Variants in IPO5 observed in about 807,000 individuals in gnomAD.
IPO5 encodes importin 5, also known as importin-5.
IPO5 carries 18 observed loss-of-function variants against 143.3 expected under a neutral mutation model. The observed-to-expected ratio is 0.13, with a 90% CI of 0.09 to 0.19. The LOEUF (loss-of-function observed/expected upper bound fraction) is 0.19, where lower values mean the gene tolerates loss of function less well. Among genes scored for constraint, IPO5 ranks in the 10% least tolerant of loss-of-function variants. IPO5 has a pLI of 1.00. For synonymous variants in IPO5, 477 were observed against 465.7 expected (o/e 1.02, Z -0.31); for missense variants, 1,013 against 1,336.9 (o/e 0.76, Z 3.78).
intron 2 of IPO5, among the ~76,000 whole-genome samples, chr13:97,957,978 G>T (rs1002159033): frequency 1.3e-5 from 2 of 151,984 alleles, no homozygotes; most frequent in Non-Finnish European, 2.9e-5. Context: ...GAGTGAGACA[G>T]AATGAGACTC....
rs558069822 is a variant in IPO5, at chr13:97,993,176, G to A, written c.864G>A (p.Glu288=). Residue 288 remains glutamate (E), a synonymous_variant, in exon 11 of 29, where the codon GAG becomes GAA. Transcript: ENST00000651721. ...TTGAAGTGATCGTCACCCTCTCTGA[G>A]ACTGCAGCTGCTATGTTAAGAAAAC... ...LALEVIVTLS[E]TAAAMLRKHT... 1.9e-6 allele frequency: 3 copies of A among 1,613,904 alleles called. No individual in the cohort carries two copies. Among genetic ancestry groups the A allele is most frequent in the Admixed American group, 3.3e-5 (2 of 60,024 alleles).
intron 2 of IPO5, among the ~76,000 whole-genome samples, chr13:97,961,490 C>T (rs1292481969): frequency 6.6e-6 from 1 of 152,210 alleles, no homozygotes; most frequent in Non-Finnish European, 1.5e-5. Flanking sequence ...CGTCACCACA[C>T]CCAGCTTATT....
In IPO5 at chr13:97,983,247, GT is replaced by G. The variant is rs1223957895; in HGVS notation, c.171+668del. ...TTCTAAAGAAGTAAATTAGTTCAGT[GT>G]TTTGATGTGTTATCAATGTTTTGAA... On this transcript the variant is annotated intron_variant, in intron 5 of 28. Coordinates refer to ENST00000651721, the MANE Select transcript of IPO5 (RefSeq NM_002271.6). Among the ~76,000 whole-genome samples the G allele has an allele frequency of 4.6e-5, 7 of 152,228 alleles. No homozygotes were observed. The East Asian group carries it at 1.3e-3, about 29-fold the overall frequency.
chr13:97,989,562 C>T (rs1173639687), intron 7 of IPO5, among the ~76,000 whole-genome samples: 2 of 152,042 alleles, frequency 1.3e-5, no homozygotes, highest in African/African-American at 4.8e-5. Flanking sequence ...TCTTGTGTGA[C>T]CCAATTTTAT....
chr13:97,970,638 C>T (rs1033908502), intron 3 of IPO5, among the ~76,000 whole-genome samples: 1 of 151,994 alleles, frequency 6.6e-6, no homozygotes, highest in Non-Finnish European at 1.5e-5. Context: ...AAGAAAAAAG[C>T]ATACCTCAGT....
chr13:97,979,557 G>T (rs945791090), intron 4 of IPO5, among the ~76,000 whole-genome samples: 6 of 152,202 alleles, frequency 3.9e-5, no homozygotes, highest in Admixed American at 3.9e-4. Context: ...GTAGTGCAAA[G>T]TACAGTATTC....
chr13:97,987,648 C>T (rs533079249), intron 6 of IPO5, among the ~76,000 whole-genome samples: 1 of 152,170 alleles, frequency 6.6e-6, no homozygotes, highest in Admixed American at 6.6e-5. Flanking sequence ...GCCTCCCACA[C>T]GCCCAGCTAA....
chr13:97,962,236 A>G (rs1247795309), intron 2 of IPO5, among the ~76,000 whole-genome samples: 1 of 152,162 alleles, frequency 6.6e-6, no homozygotes, highest in Non-Finnish European at 1.5e-5. Flanking sequence ...GTGAAGTTCA[A>G]TGTATCCATT....
chr13:98,011,740 C>T (rs528319904), intron 20 of IPO5, among the ~76,000 whole-genome samples: 21 of 152,270 alleles, frequency 1.4e-4, no homozygotes, highest in African/African-American at 4.6e-4. Flanking sequence ...CTCCTGACCT[C>T]GTGATCTACC....
intron 2 of IPO5, among the ~76,000 whole-genome samples, chr13:97,962,673 G>T (rs1884987998): frequency 6.6e-6 from 1 of 152,048 alleles, no homozygotes; most frequent in Non-Finnish European, 1.5e-5. Context: ...CAAAAAATTA[G>T]CTGGGTATGG....
intron 22 of IPO5, among the ~76,000 whole-genome samples, chr13:98,015,317 A>G (rs1269969402): frequency 2.0e-5 from 3 of 151,570 alleles, no homozygotes; most frequent in Non-Finnish European, 2.9e-5. Flanking sequence ...CCTGGCACCT[A>G]GGTATGCTCA....
At chr13:98,018,727 G>A (rs766563103) in intron 26 of IPO5, 23 bp downstream of exon 26, 20 of 1,554,046 alleles carry the variant, frequency 1.3e-5, no homozygotes, top group Non-Finnish European at 1.6e-5. Context: ...ATTCCGTTAC[G>A]TGCATTTCAT....
In IPO5 at chr13:98,000,519, A is replaced by G. The variant is rs1280309302; in HGVS notation, c.1002-20A>G. On this transcript the variant is annotated intron_variant, in intron 12 of 28. Transcript: ENST00000651721. The stretch of plus-strand genomic sequence containing the variant: ...TGTGTTTCAGATATATTGAGTACAT[A>G]ATTCTGTTTATGTGTTTAGCAATGC... 6.6e-6 allele frequency: 10 copies of G among 1,513,178 alleles called. No homozygotes were observed. In the Admixed American group the frequency reaches 1.5e-4, roughly 23 times the overall value. 93.7% of individuals were successfully genotyped at this position (1,513,178 alleles called of 1,614,324 possible).
chr13:97,990,974 T>C (rs544954863), intron 9 of IPO5, among the ~76,000 whole-genome samples: 392 of 152,274 alleles, frequency 2.6e-3, no homozygotes, highest in Non-Finnish European at 3.1e-3. Flanking sequence ...AAGAATACTT[T>C]CTGCTTTAAT....
intron 12 of IPO5, among the ~76,000 whole-genome samples, chr13:97,999,613 A>G (rs1888595357): frequency 6.6e-6 from 1 of 152,198 alleles, no homozygotes; most frequent in African/African-American, 2.4e-5. Flanking sequence ...TTGTCTTTAC[A>G]TAGTAAAGAT....
intron 4 of IPO5, among the ~76,000 whole-genome samples, chr13:97,978,543 C>T (rs1158078847): frequency 6.6e-6 from 1 of 151,818 alleles, no homozygotes; most frequent in Non-Finnish European, 1.5e-5. Context: ...TGTATTGCAC[C>T]AGTTTGCCTT....
At chr13:97,970,093 C>T (rs867009053) in intron 3 of IPO5, among the ~76,000 whole-genome samples, 1 of 151,756 alleles carries the variant, frequency 6.6e-6, no homozygotes, top group Non-Finnish European at 1.5e-5. Flanking sequence ...ACTGCCCAAT[C>T]GAAATATAAT....
intron 9 of IPO5, among the ~76,000 whole-genome samples, chr13:97,991,738 G>T (rs939283252): frequency 2.0e-5 from 3 of 152,140 alleles, no homozygotes; most frequent in Non-Finnish European, 2.9e-5. Flanking sequence ...TACATTGGAG[G>T]GGGGGATAAC....
chr13:98,000,248 G>A (rs536050308), intron 12 of IPO5, among the ~76,000 whole-genome samples: 108 of 152,012 alleles, frequency 7.1e-4, no homozygotes, highest in Non-Finnish European at 1.3e-3. Context: ...TCGTGCCACT[G>A]CGCTCCAGCC....
Sources: allele counts gnomAD v4.1 joint callset (sites outside exome capture counted in the v4.1 genomes callset), GRCh38; gene constraint gnomAD v4.1.1; transcripts MANE v1.5; gene names NCBI Gene and HGNC (gene_info 2026-07-23, HGNC 2026-07-21).